The following GALNT13 variants were observed in gnomAD, a reference collection of about 807,000 sequenced individuals.
GALNT13 encodes the protein UDP-GalNAc:polypeptide N-acetylgalactosaminyltransferase 13.
GALNT13 carries 28 observed loss-of-function variants against 64.2 expected under a neutral mutation model. The ratio of observed to expected loss-of-function variants is 0.44; its 90% CI spans 0.32 to 0.60. GALNT13 has a LOEUF of 0.60. Among genes scored for constraint, GALNT13 ranks in the 20% least tolerant of loss-of-function variants. GALNT13 has a pLI of 0.05. For missense variants in GALNT13, 577 were observed against 669.8 expected, an observed-to-expected ratio of 0.86 and a Z score of 1.53; for synonymous variants, 214 against 224.6, an observed-to-expected ratio of 0.95 and a Z score of 0.42.
At chr2:153,949,254 C>A (rs980963318) in intron 3 of GALNT13, among the ~76,000 whole-genome samples, 1 of 152,036 alleles carries the variant, frequency 6.6e-6, no homozygotes, top group Non-Finnish European at 1.5e-5. Context: ...CAGAACACTT[C>A]CCCATCCTTA....
chr2:154,166,991 T>G (rs1346126842), intron 4 of GALNT13, among the ~76,000 whole-genome samples: 9 of 141,796 alleles, frequency 6.3e-5, no homozygotes, highest in African/African-American at 1.1e-4. Flanking sequence ...GTGGGGGGAG[T>G]GGGGAGGGAT....
chr2:154,011,222 T>TAGCGATTAGTGCTGTA (rs1358137724), intron 3 of GALNT13, among the ~76,000 whole-genome samples: 2 of 27,390 alleles, frequency 7.3e-5, no homozygotes, highest in African/African-American at 3.1e-4. Flanking sequence ...CTTTGTGATG[T>TAGCGATTAGTGCTGTA]AGCTTTCTTC....
intron 4 of GALNT13, among the ~76,000 whole-genome samples, chr2:154,212,575 T>G (rs1425087924): frequency 2.0e-5 from 3 of 151,788 alleles, no homozygotes; most frequent in Non-Finnish European, 2.9e-5. Flanking sequence ...CTTCTTACCT[T>G]TCTCTCTCTT....
At chr2:153,866,541 G>A in the GALNT13 span, among the ~76,000 whole-genome samples, 1 of 151,986 alleles carries the variant, frequency 6.6e-6, no homozygotes, top group Non-Finnish European at 1.5e-5. Flanking sequence ...GATGATATAA[G>A]GCTTTATGGA....
the GALNT13 span, among the ~76,000 whole-genome samples, chr2:153,374,358 G>A: frequency 1.3e-5 from 2 of 152,120 alleles, no homozygotes; most frequent in African/African-American, 4.8e-5. Context: ...ATCTTTTCAT[G>A]TACTTATTAG....
At chr2:153,631,051 A>G in the GALNT13 span, among the ~76,000 whole-genome samples, 30 of 151,488 alleles carry the variant, frequency 2.0e-4, no homozygotes, top group Middle Eastern at 3.4e-3. Context: ...ATGAGTGAGA[A>G]TATGCAGTGT....
the GALNT13 span, among the ~76,000 whole-genome samples, chr2:153,331,245 T>C: frequency 6.7e-6 from 1 of 149,478 alleles, no homozygotes; most frequent in African/African-American, 2.5e-5. Context: ...TTTTTCATCA[T>C]GTCTTTGCCA....
the GALNT13 span, among the ~76,000 whole-genome samples, chr2:153,146,827 A>G: frequency 6.6e-6 from 1 of 152,052 alleles, no homozygotes; most frequent in South Asian, 2.1e-4. Flanking sequence ...TGCTGGTCAT[A>G]TAACTATTTG....
the GALNT13 span, among the ~76,000 whole-genome samples, chr2:153,195,538 C>A: frequency 2.0e-5 from 3 of 152,312 alleles, no homozygotes; most frequent in East Asian, 5.8e-4. Context: ...CCAGCTGGCA[C>A]CAGTGAATGA....
chr2:153,788,428 C>A, the GALNT13 span, among the ~76,000 whole-genome samples: 2 of 151,670 alleles, frequency 1.3e-5, no homozygotes, highest in South Asian at 2.1e-4. Flanking sequence ...ACCAGACATG[C>A]CTTACAAGAG....
the GALNT13 span, among the ~76,000 whole-genome samples, chr2:153,600,076 T>A: frequency 6.6e-6 from 1 of 152,068 alleles, no homozygotes; most frequent in Non-Finnish European, 1.5e-5. Flanking sequence ...CCCTAGTTAC[T>A]AAAAAATATA....
chr2:154,018,102 A>T (rs1449465820), intron 3 of GALNT13, among the ~76,000 whole-genome samples: 1 of 152,218 alleles, frequency 6.6e-6, no homozygotes, highest in Admixed American at 6.5e-5. Context: ...TTTTATATTT[A>T]GGAATTCAAT....
At chr2:153,309,261 A>G in the GALNT13 span, among the ~76,000 whole-genome samples, 2 of 152,146 alleles carry the variant, frequency 1.3e-5, no homozygotes, top group Non-Finnish European at 2.9e-5. Context: ...AAGTTGAACT[A>G]AGAGGCACAC....
intron 8 of GALNT13, among the ~76,000 whole-genome samples, chr2:154,297,374 C>G (rs1352855754): frequency 1.3e-5 from 2 of 152,088 alleles, no homozygotes; most frequent in Non-Finnish European, 2.9e-5. Flanking sequence ...TGTATTGAAG[C>G]CTTCAATTAC....
At chr2:154,328,547 G>A (rs1414830016) in intron 9 of GALNT13, among the ~76,000 whole-genome samples, 1 of 152,018 alleles carries the variant, frequency 6.6e-6, no homozygotes, top group African/African-American at 2.4e-5. Context: ...CTGGGGCTTG[G>A]TACTGAAAGT....
the GALNT13 span, among the ~76,000 whole-genome samples, chr2:153,281,476 G>A: frequency 6.6e-6 from 1 of 152,078 alleles, no homozygotes; most frequent in African/African-American, 2.4e-5. Flanking sequence ...GCTCTATAAT[G>A]TCTTGGGCTA....
At chr2:153,880,575 ACCAT>A (rs1365792942) in intron 1 of GALNT13, among the ~76,000 whole-genome samples, 1 of 152,114 alleles carries the variant, frequency 6.6e-6, no homozygotes, top group Non-Finnish European at 1.5e-5. Context: ...AAGACTCACT[ACCAT>A]CTTTTCTCTT....
the GALNT13 span, among the ~76,000 whole-genome samples, chr2:153,136,489 C>T: frequency 2.6e-5 from 4 of 152,050 alleles, no homozygotes; most frequent in African/African-American, 9.6e-5. Context: ...TGCAGCTATT[C>T]CTAGAAGGAG....
the GALNT13 span, among the ~76,000 whole-genome samples, chr2:153,668,526 C>T: frequency 6.6e-6 from 1 of 151,850 alleles, no homozygotes. Flanking sequence ...AACTGGGACA[C>T]AAGAAAGACT....
Sources: gnomAD v4.1 joint callset for allele counts (sites outside exome capture counted in the v4.1 genomes callset) on GRCh38, gnomAD v4.1.1 for gene constraint, MANE v1.5 for transcripts, NCBI Gene and HGNC (gene_info 2026-07-23, HGNC 2026-07-21) for gene names.